COA6: variants seen among roughly 807,000 people sequenced by gnomAD.
COA6 encodes the protein cytochrome c oxidase assembly factor 6, also known as cytochrome c oxidase assembly factor 6 homolog.
In COA6, 12 loss-of-function variants were observed where a neutral mutation model predicts 17.1. The ratio of observed to expected loss-of-function variants is 0.70; its 90% CI spans 0.45 to 1.14. The LOEUF (loss-of-function observed/expected upper bound fraction) is 1.14, where lower values mean the gene tolerates loss of function less well. Among genes scored for constraint, COA6 ranks in the 50% most tolerant of loss-of-function variants. COA6 has a pLI of 0.00. For missense variants in COA6, 246 were observed against 196.5 expected, an observed-to-expected ratio of 1.25 and a Z score of -1.51; for synonymous variants, 90 against 73.4, an observed-to-expected ratio of 1.23 and a Z score of -1.16.
rs551331710 is a variant in COA6, at chr1:234,373,648, G to T, written c.182G>T (p.Arg61Leu). The T allele has an allele frequency of 2.0e-5, 32 of 1,613,208 alleles. No homozygotes were observed. Among genetic ancestry groups the T allele is most frequent in the Non-Finnish European group, 2.7e-5 (32 of 1,179,412 alleles). Residue 61 changes from arginine (R) to leucine (L), a missense_variant, in exon 1 of 3, where the codon CGA becomes CTA. Transcript: ENST00000366615. ...GTGACAGTTTCCTCCCGTCGACATC[G>T]AAAGGAAGCCGGACGTGGGCGGGCA... ...ACVTVSSRRH[R>L]KEAGRGRAES...
chr1:234,373,474 C>T lies in COA6; in HGVS notation c.8C>T (p.Ala3Val), dbSNP rs1274489842. MV[A>V]RKGQKSPRFR... ...CCCCTCTATGGAAAGTAAATGGTAGCTCGGAAGGGTCAAAAGAGTCCGCGG... is the reference window on the plus strand; with the variant it reads ...CCCCTCTATGGAAAGTAAATGGTAGTTCGGAAGGGTCAAAAGAGTCCGCGG... Residue 3 changes from alanine (A) to valine (V), a missense_variant, in exon 1 of 3, where the codon GCT becomes GTT. Coordinates refer to ENST00000366615, the MANE Select transcript of COA6 (RefSeq NM_001206641.3). 2.6e-6 allele frequency: 4 copies of T among 1,537,432 alleles called. No homozygotes were observed. The highest frequency in any genetic ancestry group is 1.4e-5 in the African/African-American group (1 of 72,416).
chr1:234,381,461 T>C (rs1176763546), intron 2 of COA6, among the ~76,000 whole-genome samples: 1 of 152,230 alleles, frequency 6.6e-6, no homozygotes, highest in Non-Finnish European at 1.5e-5. Context: ...GTTCAGGGAC[T>C]GCTGGTGAAT....
chr1:234,381,892 G>A (rs80166502), intron 2 of COA6, among the ~76,000 whole-genome samples: 1 of 152,228 alleles, frequency 6.6e-6, no homozygotes, highest in Admixed American at 6.5e-5. Flanking sequence ...AGTTGGAGAT[G>A]TGACAGGACA....
chr1:234,383,504 G>A (rs1659039456), intron 2 of COA6, among the ~76,000 whole-genome samples: 1 of 150,976 alleles, frequency 6.6e-6, no homozygotes, highest in South Asian at 2.1e-4. Flanking sequence ...CCTGCACGTT[G>A]TGCACGTGTA....
chr1:234,383,870 TGACTATGGAACA>T lies in COA6; in HGVS notation c.*54_*65del. The T allele has an allele frequency of 1.1e-6, 1 of 889,458 alleles. No homozygotes were observed. The highest frequency in any genetic ancestry group is 1.8e-6 in the Non-Finnish European group (1 of 543,270). 55.1% of individuals were successfully genotyped at this position (889,458 alleles called of 1,614,324 possible). A position where few individuals can be genotyped will look rare whatever the true frequency, so the allele number is the denominator to read the frequency against. On this transcript the variant is annotated 3_prime_UTR_variant, in exon 3 of 3. Coordinates refer to ENST00000366615, the MANE Select transcript of COA6 (RefSeq NM_001206641.3). Reference sequence around the variant, plus strand: ...TTTCTGGACATTGAAAAAGCTCCACTGACTATGGAACAGTAATAGTTTGAATCATAGTGAACA... The same window carrying T: ...TTTCTGGACATTGAAAAAGCTCCACTGTAATAGTTTGAATCATAGTGAACA...
intron 2 of COA6, among the ~76,000 whole-genome samples, chr1:234,379,907 G>T (rs946706115): frequency 6.6e-6 from 1 of 152,184 alleles, no homozygotes; most frequent in Admixed American, 6.5e-5. Context: ...CGATTATGGG[G>T]ATTACAATTC....
intron 2 of COA6, 44 bp from the exon 3 acceptor site, chr1:234,383,679 C>A: frequency 1.3e-6 from 1 of 797,546 alleles, no homozygotes; most frequent in Non-Finnish European, 2.2e-6. Flanking sequence ...CTTATCTAAG[C>A]TGCATAACTT....
chr1:234,384,018 A>G lies in COA6; in HGVS notation c.*200A>G. The G allele has an allele frequency of 2.3e-6, 1 of 430,732 alleles. No homozygotes were observed. Among genetic ancestry groups the G allele is most frequent in the Non-Finnish European group, 4.2e-6 (1 of 236,540 alleles). 26.7% of individuals were successfully genotyped at this position (430,732 alleles called of 1,614,324 possible). On this transcript the variant is annotated 3_prime_UTR_variant, in exon 3 of 3. Coordinates refer to ENST00000366615, the MANE Select transcript of COA6 (RefSeq NM_001206641.3). ...TTTAGTAAGAAATCTCTATTTTAAG[A>G]AAAAAAGTAAAACCTGTTATAAACA... is the stretch of plus-strand genomic sequence containing the variant.
At chr1:234,373,859 T>C in intron 1 of COA6, 181 bp downstream of exon 1, 1 of 1,610,604 alleles carries the variant, frequency 6.2e-7, no homozygotes, top group Middle Eastern at 2.0e-4. Context: ...AGTAACCCTG[T>C]AAACTAGGCA....
intron 2 of COA6, among the ~76,000 whole-genome samples, chr1:234,375,505 G>A (rs1025074656): frequency 5.9e-5 from 9 of 152,192 alleles, no homozygotes; most frequent in Non-Finnish European, 1.0e-4. Flanking sequence ...GATACTTTTA[G>A]AGTTGAAGTG....
At chr1:234,373,867 G>C in intron 1 of COA6, 189 bp downstream of exon 1, 1 of 1,607,120 alleles carries the variant, frequency 6.2e-7, no homozygotes, top group Non-Finnish European at 8.5e-7. Context: ...TGTAAACTAG[G>C]CACTGCTGTC....
chr1:234,373,511 G>C lies in COA6; in HGVS notation c.45G>C (p.Val15=), dbSNP rs752001515. The change falls in exon 1 of 3, where the codon GTG becomes GTC. Residue 15 remains valine (V), a synonymous_variant. Transcript: ENST00000366615. The part of the protein sequence containing the change: ...KGQKSPRFRR[V]SCFLRLGRST... ...AAAAGAGTCCGCGGTTTCGCCGCGT[G>C]AGTTGCTTTTTGCGGCTGGGGAGGT... 8 of 1,607,046 alleles carry C rather than the reference G, an allele frequency of 5.0e-6. No individual in the cohort carries two copies. In the African/African-American group the frequency reaches 6.7e-5, roughly 13 times the overall value.
chr1:234,373,924 C>T (rs1658697514), intron 1 of COA6: 1 of 1,464,914 alleles, frequency 6.8e-7, no homozygotes, highest in South Asian at 1.3e-5. Flanking sequence ...AAATGAGCTG[C>T]CCTAAGCGAC....
intron 2 of COA6, among the ~76,000 whole-genome samples, chr1:234,379,004 A>ATTT (rs377669777): frequency 1.5e-5 from 2 of 136,438 alleles, no homozygotes; most frequent in South Asian, 2.3e-4. Context: ...TACTTTTTTA[A>ATTT]TTTTTTTTTT....
chr1:234,377,372 G>A lies in COA6; in HGVS notation c.372+2983G>A, dbSNP rs558149719. Among the ~76,000 whole-genome samples, 7 of 152,008 alleles carry A rather than the reference G, an allele frequency of 4.6e-5. No homozygotes were observed. In the South Asian group the frequency reaches 6.2e-4, roughly 14 times the overall value. ...GAACTCCTGACCTCTTGTTCCACCC[G>A]CCTCAGCCTCCCAAAGTGCTGGGAT... On this transcript the variant is annotated intron_variant, in intron 2 of 2. Coordinates refer to ENST00000366615, the MANE Select transcript of COA6 (RefSeq NM_001206641.3).
intron 2 of COA6, among the ~76,000 whole-genome samples, chr1:234,381,859 C>CTCT (rs2103018869): frequency 6.6e-6 from 1 of 152,292 alleles, no homozygotes; most frequent in African/African-American, 2.4e-5. Context: ...TCAGTAGGAC[C>CTCT]TCTAAATGGA....
In COA6 at chr1:234,379,042, T is replaced by C. The variant is rs968156783; in HGVS notation, c.372+4653T>C. Among the ~76,000 whole-genome samples the C allele has an allele frequency of 3.4e-5, 5 of 149,196 alleles. No individual in the cohort carries two copies. The Admixed American group carries it at 3.4e-4, about 10-fold the overall frequency. On this transcript the variant is annotated intron_variant, in intron 2 of 2. Coordinates refer to ENST00000366615, the MANE Select transcript of COA6 (RefSeq NM_001206641.3). ...TTTTTTTTTCCAGACAGTCTCACTC[T>C]GTTGCCCAGGCTGGAGTGCAGTGGT...
At chr1:234,377,059 CGA>C (rs71170479) in intron 2 of COA6, among the ~76,000 whole-genome samples, 4,707 of 82,488 alleles carry the variant, frequency 0.057, 491 homozygotes, top group Middle Eastern at 0.11. Flanking sequence ...GCTGTGTTGC[CGA>C]GAGAGAGAGA....
intron 2 of COA6, 119 bp downstream of exon 2, chr1:234,374,508 G>C: frequency 1.9e-6 from 2 of 1,033,194 alleles, no homozygotes; most frequent in South Asian, 3.0e-5. Context: ...TCTTTGAGGC[G>C]CAGAGAAAAC....
Sources: allele counts gnomAD v4.1 joint callset (sites outside exome capture counted in the v4.1 genomes callset), GRCh38; gene constraint gnomAD v4.1.1; transcripts MANE v1.5; gene names NCBI Gene and HGNC (gene_info 2026-07-23, HGNC 2026-07-21).